Variants in IPO11 observed in about 807,000 individuals in gnomAD.
IPO11 encodes the protein importin-11.
In IPO11, 66 loss-of-function variants were observed where a neutral mutation model predicts 143.2. The observed-to-expected ratio is 0.46, with a 90% CI of 0.38 to 0.57. The LOEUF is 0.57. Ranked by LOEUF, IPO11 falls within the 20% of genes least tolerant of loss-of-function variation. The probability of loss-of-function intolerance (pLI) is 0.00; values close to 1 mark genes in which losing one functional copy is unlikely to be tolerated. For synonymous variants in IPO11, 385 were observed against 377.8 expected (o/e 1.02, Z -0.22); for missense variants, 1,026 against 1,141.0 (o/e 0.90, Z 1.45).
chr5:62,606,478 C>CT (rs1554058316), intron 29 of IPO11, among the ~76,000 whole-genome samples: 4 of 43,926 alleles, frequency 9.1e-5, no homozygotes, highest in Non-Finnish European at 1.4e-4. Flanking sequence ...GAGACCCTGT[C>CT]TTAAAAAAAA....
At chr5:62,439,079 C>A (rs1322695172) in intron 2 of IPO11, among the ~76,000 whole-genome samples, 1 of 150,286 alleles carries the variant, frequency 6.7e-6, no homozygotes, top group Non-Finnish European at 1.5e-5. Flanking sequence ...AAAAAAAAAT[C>A]TCTTGAGTAT....
Position 62,435,194 on chromosome 5 carries a change from A to G in IPO11, c.-6-2080A>G, listed in dbSNP as rs1350606448. On this transcript the variant is annotated intron_variant, in intron 1 of 29. Transcript: ENST00000325324. ...TATGTATATATGTATATATATGTAT[A>G]TATATGTATATATATGTGTATATAT... 1.0e-4 allele frequency among the ~76,000 whole-genome samples: 11 copies of G among 108,674 alleles called. 1 individual carries two copies. The highest frequency in any genetic ancestry group is 2.0e-4 in the Admixed American group (2 of 9,760). The allele number at this position is 108,674 out of a possible 152,430, so 71.3% of individuals were successfully genotyped here.
chr5:62,450,689 G>A (rs1208824121), intron 4 of IPO11, among the ~76,000 whole-genome samples: 1 of 148,192 alleles, frequency 6.7e-6, no homozygotes, highest in African/African-American at 2.5e-5. Flanking sequence ...AACTCAGAAT[G>A]GCTTCAGGTT....
intron 1 of IPO11, chr5:62,422,714 CAGA>C (rs1159186553): frequency 6.6e-6 from 1 of 152,188 alleles, no homozygotes; most frequent in Non-Finnish European, 1.5e-5. Context: ...CCCGGTGAGA[CAGA>C]AATACTCAAG....
chr5:62,547,861 T>C (rs1743258158), intron 24 of IPO11, among the ~76,000 whole-genome samples: 1 of 152,122 alleles, frequency 6.6e-6, no homozygotes, highest in South Asian at 2.1e-4. Flanking sequence ...ACCAGAATTT[T>C]ATATGACATA....
chr5:62,418,111 TTTCCGAGTAGCTGGGA>T (rs1743367885), intron 1 of IPO11, among the ~76,000 whole-genome samples: 1 of 151,642 alleles, frequency 6.6e-6, no homozygotes, highest in Non-Finnish European at 1.5e-5. Flanking sequence ...CTGCTGCAGC[TTTCCGAGTAGCTGGGA>T]TTACAGGCAT....
chr5:62,550,322 C>A, intron 24 of IPO11, 45 bp from the exon 25 acceptor site: 1 of 1,386,554 alleles, frequency 7.2e-7, no homozygotes, highest in Non-Finnish European at 1.0e-6. Context: ...TTTCATAAAG[C>A]AATGACTTGC....
intron 24 of IPO11, among the ~76,000 whole-genome samples, chr5:62,546,457 G>A (rs768538683): frequency 6.6e-6 from 1 of 152,152 alleles, no homozygotes; most frequent in Non-Finnish European, 1.5e-5. Context: ...GTAGGGTTGG[G>A]GGAGTGGGGA....
At chr5:62,441,523 T>C (rs1744476364) in intron 2 of IPO11, among the ~76,000 whole-genome samples, 1 of 109,592 alleles carries the variant, frequency 9.1e-6, no homozygotes, top group Non-Finnish European at 1.9e-5. Flanking sequence ...TTTTTTTTTT[T>C]TTTTTTTATG....
chr5:62,567,637 A>C (rs1258932193), intron 27 of IPO11, among the ~76,000 whole-genome samples: 1 of 124,998 alleles, frequency 8.0e-6, no homozygotes, highest in Non-Finnish European at 1.6e-5. Flanking sequence ...ATCTCGGCCC[A>C]CTGCAACCTC....
At chr5:62,424,289 G>A (rs1446524438) in intron 1 of IPO11, among the ~76,000 whole-genome samples, 4 of 151,910 alleles carry the variant, frequency 2.6e-5, no homozygotes, top group African/African-American at 7.3e-5. Flanking sequence ...ACAGGTGCCC[G>A]CCACCACGCC....
At chr5:62,542,729 A>G (rs1034144777) in intron 24 of IPO11, among the ~76,000 whole-genome samples, 47 of 152,166 alleles carry the variant, frequency 3.1e-4, no homozygotes, top group Non-Finnish European at 5.9e-5. Flanking sequence ...TGAACATGTT[A>G]TCTAGAGGAA....
At chr5:62,537,119 G>A in intron 23 of IPO11, 90 bp from the exon 24 acceptor site, 1 of 771,686 alleles carries the variant, frequency 1.3e-6, no homozygotes. Context: ...TAATTCTCAA[G>A]TATATTATAA....
intron 13 of IPO11, 26 bp downstream of exon 13, chr5:62,487,887 T>C: frequency 1.3e-6 from 2 of 1,571,702 alleles, no homozygotes; most frequent in Non-Finnish European, 1.7e-6. Flanking sequence ...TGATTAACTT[T>C]GAGTTAATCT....
At chr5:62,586,184 A>G (rs1332758663) in intron 27 of IPO11, among the ~76,000 whole-genome samples, 1 of 152,228 alleles carries the variant, frequency 6.6e-6, no homozygotes, top group Non-Finnish European at 1.5e-5. Context: ...AGAAAGCTGT[A>G]ACAAAACAGT....
At chr5:62,439,234 T>C (rs1351190176) in intron 2 of IPO11, among the ~76,000 whole-genome samples, 1 of 151,728 alleles carries the variant, frequency 6.6e-6, no homozygotes, top group East Asian at 1.9e-4. Context: ...TTAACTGTTG[T>C]CTTTTTATGT....
intron 28 of IPO11, among the ~76,000 whole-genome samples, chr5:62,596,077 A>G (rs1745201828): frequency 2.8e-5 from 4 of 145,016 alleles, no homozygotes; most frequent in African/African-American, 7.8e-5. Context: ...CTGGCAACAT[A>G]GTGAGACCCT....
intron 20 of IPO11, among the ~76,000 whole-genome samples, chr5:62,516,945 TC>T (rs1426269779): frequency 6.6e-6 from 1 of 150,382 alleles, no homozygotes; most frequent in Non-Finnish European, 1.5e-5. Flanking sequence ...AAGCCTGTAA[TC>T]CCAGCACTTT....
At chr5:62,446,330 A>G (rs1047356412) in intron 3 of IPO11, among the ~76,000 whole-genome samples, 8 of 152,182 alleles carry the variant, frequency 5.3e-5, no homozygotes, top group Non-Finnish European at 1.2e-4. Context: ...ATTACTATTT[A>G]TAGTCACATG....
Sources: allele counts gnomAD v4.1 joint callset (sites outside exome capture counted in the v4.1 genomes callset), GRCh38; gene constraint gnomAD v4.1.1; transcripts MANE v1.5; gene names NCBI Gene and HGNC (gene_info 2026-07-23, HGNC 2026-07-21).